Variants in SLC4A1 observed in about 807,000 individuals in gnomAD.
SLC4A1 encodes the protein band 3 anion transport protein.
SLC4A1 carries 29 observed loss-of-function variants against 93.1 expected under a neutral mutation model. The ratio of observed to expected loss-of-function variants is 0.31; its 90% CI spans 0.23 to 0.42. The LOEUF is 0.42. Among genes scored for constraint, SLC4A1 ranks in the 20% least tolerant of loss-of-function variants. The probability of loss-of-function intolerance (pLI) is 1.00; values close to 1 mark genes in which losing one functional copy is unlikely to be tolerated. For synonymous variants in SLC4A1, 469 were observed against 497.2 expected (o/e 0.94, Z 0.76); for missense variants, 965 against 1,190.1 (o/e 0.81, Z 2.78).
intron 16 of SLC4A1, among the ~76,000 whole-genome samples, chr17:44,253,752 AC>A (rs2047363860): frequency 1.3e-5 from 2 of 151,830 alleles, no homozygotes; most frequent in South Asian, 4.2e-4. Flanking sequence ...GCTCACTGCA[AC>A]CTCTGCCTCC....
chr17:44,260,189 A>G (rs1183097488), intron 6 of SLC4A1, among the ~76,000 whole-genome samples: 1 of 152,184 alleles, frequency 6.6e-6, no homozygotes, highest in Non-Finnish European at 1.5e-5. Context: ...AGGGCCTTGC[A>G]GGTCTGCCCT....
intron 4 of SLC4A1, 72 bp downstream of exon 4, chr17:44,261,503 C>T: frequency 1.2e-6 from 2 of 1,613,540 alleles, no homozygotes; most frequent in African/African-American, 1.3e-5. Flanking sequence ...TCCCCTTGCT[C>T]CTCTCTTCCC....
chr17:44,250,537 A>C lies in SLC4A1; in HGVS notation c.2657T>G (p.Leu886Arg). 6.2e-7 allele frequency: 1 copy of C among 1,613,362 alleles called. No individual in the cohort carries two copies. Among genetic ancestry groups the C allele is most frequent in the Non-Finnish European group, 8.5e-7 (1 of 1,179,554 alleles). The part of the protein sequence containing the change: ...LIFRNVELQC[L>R]DADDAKATFD... ...GGTTGCCTTGGCATCATCAGCATCC[A>C]GCTGGAGGGGAGGGACAGGAGAGAG... The change falls in exon 20 of 20, where the codon CTG (leucine) becomes CGG (arginine). Residue 886 changes from leucine to arginine, a missense_variant and splice_region_variant. Transcript: ENST00000262418.
chr17:44,263,713 C>CCTTCCTTCCTTCCTCCATCCCTG (rs2047470103), intron 1 of SLC4A1, among the ~76,000 whole-genome samples: 1 of 139,042 alleles, frequency 7.2e-6, no homozygotes, highest in Non-Finnish European at 1.5e-5. Flanking sequence ...TTCCCTCCTT[C>CCTTCCTTCCTTCCTCCATCCCTG]CTTCCTTCCT....
intron 1 of SLC4A1, among the ~76,000 whole-genome samples, chr17:44,263,955 G>A (rs1258972840): frequency 3.9e-5 from 6 of 151,966 alleles, no homozygotes; most frequent in African/African-American, 1.5e-4. Flanking sequence ...AAAAATCTGT[G>A]TGTAGAAACA....
chr17:44,262,542 G>A, intron 3 of SLC4A1, 94 bp downstream of exon 3: 1 of 888,026 alleles, frequency 1.1e-6, no homozygotes. Context: ...TGCTTGGGAG[G>A]AGGACTGTGG....
At chr17:44,257,212 G>A (rs2047396787) in intron 13 of SLC4A1, 138 bp downstream of exon 13, 1 of 813,006 alleles carries the variant, frequency 1.2e-6, no homozygotes. Flanking sequence ...GGCTGGTCTT[G>A]AACTCCTGAT....
chr17:44,266,662 G>C (rs985601936), intron 1 of SLC4A1, among the ~76,000 whole-genome samples: 13 of 152,200 alleles, frequency 8.5e-5, no homozygotes, highest in African/African-American at 2.9e-4. Context: ...CCATGACCCA[G>C]ATTGCCACCC....
rs57466226 is a variant in SLC4A1, at chr17:44,248,849, GTTTTTTTTTTTTTTT to G, written c.*1594_*1608del. The G allele has an allele frequency of 3.2e-4, 23 of 71,768 alleles. No homozygotes were observed. Among genetic ancestry groups the G allele is most frequent in the Admixed American group, 8.1e-4 (4 of 4,934 alleles). The allele number at this position is 71,768 out of a possible 1,614,324, so 4.4% of individuals were successfully genotyped here. On this transcript the variant is annotated 3_prime_UTR_variant, in exon 20 of 20. Transcript: ENST00000262418. ...GCCCCCAAGGCTGATGTTTCCTTCC[GTTTTTTTTTTTTTTT>G]TTTTTTTTTTTTTGAGACAGGGTCT...
chr17:44,254,475 A>G, intron 16 of SLC4A1, 21 bp downstream of exon 16: 219 of 657,004 alleles, frequency 3.3e-4, no homozygotes, highest in Non-Finnish European at 5.4e-4. Context: ...TCCCAGGCCC[A>G]GCCCCCACCC....
At chr17:44,255,878 T>C (rs1227547688) in intron 13 of SLC4A1, 32 bp from the exon 14 acceptor site, 3 of 1,613,212 alleles carry the variant, frequency 1.9e-6, no homozygotes, top group African/African-American at 2.7e-5. Context: ...TTCTGTTCTC[T>C]CCCAGCTTTG....
chr17:44,259,690 G>C, intron 7 of SLC4A1, 109 bp from the exon 8 acceptor site: 1 of 1,533,832 alleles, frequency 6.5e-7, no homozygotes. Context: ...CACCCCCCGG[G>C]CACAGGAGTG....
At chr17:44,260,015 A>T in intron 6 of SLC4A1, 83 bp from the exon 7 acceptor site, 1 of 1,558,276 alleles carries the variant, frequency 6.4e-7, no homozygotes, top group Non-Finnish European at 8.8e-7. Flanking sequence ...GGCGAACATC[A>T]AGGGACTGGG....
rs2047400288 is a variant in SLC4A1, at chr17:44,257,537, T to C, written c.1439A>G (p.Glu480Gly). 4 of 1,614,020 alleles carry C rather than the reference T, an allele frequency of 2.5e-6. No homozygotes were observed. Among genetic ancestry groups the C allele is most frequent in the Non-Finnish European group, 3.4e-6 (4 of 1,179,998 alleles). ...VFEEAFFSFCETNGLEYIVGR... is the reference protein window; with the variant it reads ...VFEEAFFSFCGTNGLEYIVGR... Reference sequence around the variant, plus strand: ...CACGATGTACTCTAGACCGTTGGTCTCGCAGAACTGCAGGGTGGTCAGAAG... The same window carrying C: ...CACGATGTACTCTAGACCGTTGGTCCCGCAGAACTGCAGGGTGGTCAGAAG... The change falls in exon 13 of 20, where the codon GAG (glutamate) becomes GGG (glycine). Residue 480 changes from glutamate (E) to glycine (G), a missense_variant. Physicochemically the swap from Glu to Gly is moderately conservative, Grantham distance 98 (BLOSUM62 -2). This residue lies in a region of SLC4A1 where 770 missense variants were observed against 1,006.6 expected (regional missense o/e 0.76). Transcript: ENST00000262418.
intron 17 of SLC4A1, among the ~76,000 whole-genome samples, chr17:44,252,038 C>G (rs1202698673): frequency 6.9e-6 from 1 of 144,794 alleles, no homozygotes; most frequent in African/African-American, 2.5e-5. Context: ...TGGAGCTATT[C>G]CTATGGGTCT....
intron 1 of SLC4A1, among the ~76,000 whole-genome samples, chr17:44,265,919 G>A (rs1308137847): frequency 6.6e-6 from 1 of 151,694 alleles, no homozygotes; most frequent in Non-Finnish European, 1.5e-5. Context: ...GGCAGAGGTT[G>A]CAGTGAACCG....
chr17:44,259,468 G>A (rs1411887131), intron 8 of SLC4A1, 29 bp downstream of exon 8: 1 of 1,604,144 alleles, frequency 6.2e-7, no homozygotes, highest in African/African-American at 1.3e-5. Flanking sequence ...GGGGTGTGGA[G>A]GGCTGAGGGT....
At position 44,250,188 on chromosome 17, in the gene SLC4A1, C is replaced by T. The variant is rs5027; in HGVS notation, c.*270G>A. On this transcript the variant is annotated 3_prime_UTR_variant, in exon 20 of 20. Coordinates refer to ENST00000262418, the MANE Select transcript of SLC4A1 (RefSeq NM_000342.4). ...GGGCTCAGATCTAAGTCTTCCAGCACGGGATCCCCAGTGAAAGTGTGGCAA... is the reference window on the plus strand; with the variant it reads ...GGGCTCAGATCTAAGTCTTCCAGCATGGGATCCCCAGTGAAAGTGTGGCAA... 22,096 of 465,724 alleles carry T rather than the reference C, an allele frequency of 0.047. 643 individuals are homozygous for T. The highest frequency in any genetic ancestry group is 0.11 in the East Asian group (2,643 of 24,522). The allele number at this position is 465,724 out of a possible 1,614,324, so 28.8% of individuals were successfully genotyped here. A position where few individuals can be genotyped will look rare whatever the true frequency, so the allele number is the denominator to read the frequency against.
At position 44,255,724 on chromosome 17, in the gene SLC4A1, G is replaced by C; in HGVS notation, c.1749C>G (p.Phe583Leu). ...LSLVLMAGTF[F>L]FAMMLRKFKN... is the part of the protein sequence containing the mutation. ...TGAACTTGCGCAGCATCATGGCAAA[G>C]AAGAAGGTACCGGCCATGAGCACAA... The change falls in exon 14 of 20, where the codon TTC (phenylalanine) becomes TTG (leucine). Residue 583 changes from phenylalanine (F) to leucine (L), a missense_variant. Phe to Leu is a conservative substitution (Grantham distance 22, BLOSUM62 0). Coordinates refer to ENST00000262418, the MANE Select transcript of SLC4A1 (RefSeq NM_000342.4). 1 of 1,614,146 alleles carries C rather than the reference G, an allele frequency of 6.2e-7. No individual in the cohort carries two copies. The highest frequency in any genetic ancestry group is 1.1e-5 in the South Asian group (1 of 91,078).
Sources: allele counts gnomAD v4.1 joint callset (sites outside exome capture counted in the v4.1 genomes callset), GRCh38; gene constraint gnomAD v4.1.1; regional missense constraint gnomAD v4.1.1; transcripts MANE v1.5; gene names NCBI Gene and HGNC (gene_info 2026-07-23, HGNC 2026-07-21).